Variants in NEDD4L observed in about 807,000 individuals in gnomAD.
The protein encoded by NEDD4L is E3 ubiquitin-protein ligase NEDD4-like.
In NEDD4L, 54 loss-of-function variants were observed where a neutral mutation model predicts 148.9. The ratio of observed to expected loss-of-function variants is 0.36; its 90% CI spans 0.29 to 0.45. The LOEUF (loss-of-function observed/expected upper bound fraction) is 0.45. Among genes scored for constraint, NEDD4L ranks in the 20% least tolerant of loss-of-function variants. The probability of loss-of-function intolerance (pLI) is 1.00; values close to 1 mark genes in which losing one functional copy is unlikely to be tolerated. For synonymous variants in NEDD4L, 433 were observed against 440.7 expected, an observed-to-expected ratio of 0.98 and a Z score of 0.22; for missense variants, 856 against 1,233.8, an observed-to-expected ratio of 0.69 and a Z score of 4.59.
chr18:58,218,701 AC>A (rs1442697854), intron 2 of NEDD4L, among the ~76,000 whole-genome samples: 1 of 152,042 alleles, frequency 6.6e-6, no homozygotes, highest in African/African-American at 2.4e-5. Context: ...ACCAAGAATT[AC>A]CCAGCCACAA....
At chr18:58,183,527 A>T (rs1193455688) in intron 2 of NEDD4L, among the ~76,000 whole-genome samples, 1 of 151,602 alleles carries the variant, frequency 6.6e-6, no homozygotes, top group Non-Finnish European at 1.5e-5. Flanking sequence ...TAGAACAAAC[A>T]CTCTTCACCT....
intron 20 of NEDD4L, among the ~76,000 whole-genome samples, chr18:58,365,110 G>A (rs370519919): frequency 6.6e-6 from 1 of 152,176 alleles, no homozygotes; most frequent in Non-Finnish European, 1.5e-5. Flanking sequence ...GGTTCCTCCT[G>A]CCCGGGAACA....
intron 12 of NEDD4L, among the ~76,000 whole-genome samples, chr18:58,334,951 A>G (rs574694311): frequency 3.7e-4 from 57 of 152,296 alleles, no homozygotes; most frequent in Non-Finnish European, 7.3e-4. Context: ...ATCAACTGAG[A>G]TGGACTGGTA....
chr18:58,084,288 G>A (rs1255002486), intron 1 of NEDD4L, among the ~76,000 whole-genome samples: 1 of 152,190 alleles, frequency 6.6e-6, no homozygotes, highest in African/African-American at 2.4e-5. Context: ...AATGGGTACA[G>A]GATTTTTTTT....
intron 5 of NEDD4L, among the ~76,000 whole-genome samples, chr18:58,254,502 GA>G (rs1228610260): frequency 7.0e-6 from 1 of 141,950 alleles, no homozygotes; most frequent in East Asian, 2.1e-4. Context: ...CTTCTTACTG[GA>G]AAACAGTCAG....
intron 2 of NEDD4L, among the ~76,000 whole-genome samples, chr18:58,236,479 G>A (rs2046034465): frequency 6.6e-6 from 1 of 152,220 alleles, no homozygotes; most frequent in African/African-American, 2.4e-5. Flanking sequence ...CTCATGAGAG[G>A]AAGTATTCAC....
intron 23 of NEDD4L, 52 bp downstream of exon 23, chr18:58,370,519 G>A (rs1291514656): frequency 8.3e-7 from 1 of 1,207,250 alleles, no homozygotes; most frequent in Non-Finnish European, 1.2e-6. Flanking sequence ...CGTGTCTTAT[G>A]AGAAGGTATT....
intron 1 of NEDD4L, among the ~76,000 whole-genome samples, chr18:58,077,776 G>C (rs1036448302): frequency 1.2e-4 from 18 of 152,132 alleles, no homozygotes; most frequent in African/African-American, 4.3e-4. Context: ...CCTGACCATA[G>C]AGCTCCATTT....
chr18:58,275,292 T>C (rs1306154433), intron 5 of NEDD4L, among the ~76,000 whole-genome samples: 3 of 152,164 alleles, frequency 2.0e-5, no homozygotes, highest in Non-Finnish European at 4.4e-5. Flanking sequence ...TGTCCTCACA[T>C]TGAGTAAGCT....
intron 1 of NEDD4L, among the ~76,000 whole-genome samples, chr18:58,054,346 T>C (rs2082004526): frequency 6.6e-6 from 1 of 152,242 alleles, no homozygotes; most frequent in Non-Finnish European, 1.5e-5. Context: ...TTCTCAGTTA[T>C]TAAGTGAGTT....
At chr18:58,132,155 C>G (rs970562819) in intron 1 of NEDD4L, among the ~76,000 whole-genome samples, 3 of 152,128 alleles carry the variant, frequency 2.0e-5, no homozygotes, top group Non-Finnish European at 4.4e-5. Context: ...TTTTAATTTC[C>G]ATTATTCTCC....
At chr18:58,096,528 C>G (rs990528003) in intron 1 of NEDD4L, among the ~76,000 whole-genome samples, 1 of 151,978 alleles carries the variant, frequency 6.6e-6, no homozygotes, top group Non-Finnish European at 1.5e-5. Context: ...CTCAGCCTCC[C>G]GAGTAGCTGG....
At chr18:58,308,152 T>C (rs1159040055) in intron 5 of NEDD4L, among the ~76,000 whole-genome samples, 1 of 152,202 alleles carries the variant, frequency 6.6e-6, no homozygotes, top group African/African-American at 2.4e-5. Flanking sequence ...AACTTTTAAA[T>C]TAAGTTCAAT....
chr18:58,198,278 C>T (rs1032151434), intron 2 of NEDD4L, among the ~76,000 whole-genome samples: 65 of 152,072 alleles, frequency 4.3e-4, no homozygotes, highest in African/African-American at 1.2e-3. Flanking sequence ...TGGATGGCAC[C>T]GTCCTGCAGC....
intron 1 of NEDD4L, among the ~76,000 whole-genome samples, chr18:58,103,435 A>C (rs2145533406): frequency 6.6e-6 from 1 of 152,176 alleles, no homozygotes; most frequent in Non-Finnish European, 1.5e-5. Flanking sequence ...AATTGCATGA[A>C]GTACACAAGC....
intron 1 of NEDD4L, among the ~76,000 whole-genome samples, chr18:58,082,102 A>ATATATATATATATATTTTTTTTTTT: frequency 2.0e-5 from 1 of 48,856 alleles, no homozygotes; most frequent in African/African-American, 1.3e-4. Context: ...ATATATATAT[A>ATATATATATATATATTTTTTTTTTT]TTTTTTTTTT....
chr18:58,223,985 G>A (rs898965101), intron 2 of NEDD4L, among the ~76,000 whole-genome samples: 1 of 152,172 alleles, frequency 6.6e-6, no homozygotes, highest in East Asian at 1.9e-4. Flanking sequence ...GTGGGCAGGC[G>A]GTACCCAGAT....
intron 1 of NEDD4L, among the ~76,000 whole-genome samples, chr18:58,123,344 C>T (rs1405895999): frequency 5.3e-5 from 8 of 152,298 alleles, no homozygotes; most frequent in Non-Finnish European, 1.2e-4. Context: ...CCCCACTCTG[C>T]GATCTTCCGT....
intron 13 of NEDD4L, among the ~76,000 whole-genome samples, chr18:58,339,830 AC>A (rs2042205315): frequency 6.6e-6 from 1 of 152,148 alleles, no homozygotes; most frequent in African/African-American, 2.4e-5. Context: ...ACTCCAGGTG[AC>A]CACCTTCACC....
Sources: gnomAD v4.1 joint callset for allele counts (sites outside exome capture counted in the v4.1 genomes callset) on GRCh38, gnomAD v4.1.1 for gene constraint, MANE v1.5 for transcripts, NCBI Gene and HGNC (gene_info 2026-07-23, HGNC 2026-07-21) for gene names.